Variants in GABRG3 observed in about 807,000 individuals in gnomAD.
GABRG3 encodes gamma-aminobutyric acid receptor subunit gamma-3.
A neutral mutation model predicts 48.8 loss-of-function variants in GABRG3; 25 were observed. The observed-to-expected ratio is 0.51, with a 90% CI of 0.37 to 0.72. The LOEUF (loss-of-function observed/expected upper bound fraction) is 0.72. Among genes scored for constraint, GABRG3 ranks in the 30% least tolerant of loss-of-function variants. GABRG3 has a pLI of 0.00. For missense variants in GABRG3, 394 were observed against 577.9 expected (o/e 0.68, Z 3.26); for synonymous variants, 227 against 217.6 (o/e 1.04, Z -0.38).
At chr15:27,246,367 A>G (rs952042237) in intron 3 of GABRG3, among the ~76,000 whole-genome samples, 2 of 152,200 alleles carry the variant, frequency 1.3e-5, no homozygotes, top group South Asian at 2.1e-4. Context: ...TTGCTGAATC[A>G]TGTGGTCTTT....
At chr15:27,453,179 C>T (rs1331587799) in intron 5 of GABRG3, among the ~76,000 whole-genome samples, 1 of 152,114 alleles carries the variant, frequency 6.6e-6, no homozygotes, top group African/African-American at 2.4e-5. Context: ...TACAAAACTT[C>T]AGTTATGCGG....
intron 6 of GABRG3, among the ~76,000 whole-genome samples, chr15:27,486,102 A>C (rs1890212794): frequency 6.6e-6 from 1 of 152,158 alleles, no homozygotes; most frequent in African/African-American, 2.4e-5. Flanking sequence ...GCTGCTTTGC[A>C]GTGGGCATAC....
At position 27,190,352 on chromosome 15, in the gene GABRG3, G is replaced by T. The variant is rs556056986; in HGVS notation, c.271-136457G>T. Among the ~76,000 whole-genome samples the T allele has an allele frequency of 3.0e-3, 455 of 152,244 alleles. 2 individuals carry two copies. The highest frequency in any genetic ancestry group is 0.01 in the African/African-American group (428 of 41,546). ...TAGAATTCGGCTGTGAATCCATCTG[G>T]TCCTGGACTCTTTTTGGTTGGTAAG... On this transcript the variant is annotated intron_variant, in intron 3 of 9. Coordinates refer to ENST00000615808, the MANE Select transcript of GABRG3 (RefSeq NM_033223.5).
intron 6 of GABRG3, among the ~76,000 whole-genome samples, chr15:27,495,579 T>C (rs1890466156): frequency 6.6e-6 from 1 of 152,232 alleles, no homozygotes; most frequent in African/African-American, 2.4e-5. Flanking sequence ...TGTATAATTC[T>C]TTCCACTGAT....
At chr15:27,197,706 T>G (rs1888540438) in intron 3 of GABRG3, among the ~76,000 whole-genome samples, 1 of 152,212 alleles carries the variant, frequency 6.6e-6, no homozygotes, top group African/African-American at 2.4e-5. Context: ...CTTGTACCTC[T>G]GGTAGAACTT....
intron 2 of GABRG3, among the ~76,000 whole-genome samples, chr15:26,989,252 T>G (rs1338552424): frequency 1.3e-5 from 2 of 152,226 alleles, no homozygotes; most frequent in Non-Finnish European, 2.9e-5. Flanking sequence ...ATCTTATTCT[T>G]AGTTGCCAAA....
At chr15:27,313,258 GTGTGTATATATATATATATATA>G (rs1226453108) in intron 3 of GABRG3, among the ~76,000 whole-genome samples, 17 of 53,038 alleles carry the variant, frequency 3.2e-4, no homozygotes, top group Admixed American at 2.1e-3. Context: ...GTGTGTGTGT[GTGTGTATATATATATATATATA>G]TATATATATA....
intron 3 of GABRG3, among the ~76,000 whole-genome samples, chr15:27,209,942 G>A (rs965036141): frequency 6.6e-5 from 10 of 152,080 alleles, no homozygotes; most frequent in African/African-American, 1.2e-4. Context: ...TGTGTGTCCC[G>A]ATCTCCTTCT....
intron 5 of GABRG3, among the ~76,000 whole-genome samples, chr15:27,424,784 C>T (rs1034918917): frequency 6.6e-6 from 1 of 152,128 alleles, no homozygotes; most frequent in African/African-American, 2.4e-5. Flanking sequence ...GAACTCCTGA[C>T]TTCAGGTAGT....
chr15:27,287,770 G>A (rs953563669), intron 3 of GABRG3, among the ~76,000 whole-genome samples: 47 of 133,658 alleles, frequency 3.5e-4, no homozygotes, highest in African/African-American at 1.3e-3. Flanking sequence ...ATGGAGTCTC[G>A]CTCTGTTGCC....
At chr15:27,111,072 A>G (rs568960840) in intron 3 of GABRG3, among the ~76,000 whole-genome samples, 11 of 152,112 alleles carry the variant, frequency 7.2e-5, no homozygotes, top group African/African-American at 2.7e-4. Context: ...TGGGTGTTCT[A>G]TTCCAGTTTA....
intron 5 of GABRG3, among the ~76,000 whole-genome samples, chr15:27,430,449 T>C (rs1303983059): frequency 6.6e-6 from 1 of 152,148 alleles, no homozygotes; most frequent in Non-Finnish European, 1.5e-5. Context: ...TTGCTTTTGG[T>C]GTATTATCTA....
intron 7 of GABRG3, 143 bp downstream of exon 7, chr15:27,520,267 T>C: frequency 1.1e-6 from 1 of 878,568 alleles, no homozygotes. Flanking sequence ...AATTTTCTCT[T>C]AAGAAGCCAA....
intron 3 of GABRG3, among the ~76,000 whole-genome samples, chr15:27,295,865 G>C (rs1315255278): frequency 1.3e-5 from 2 of 152,210 alleles, no homozygotes; most frequent in Non-Finnish European, 1.5e-5. Flanking sequence ...CTTCAAAGGA[G>C]CTGGGGTGGG....
At chr15:27,066,190 A>G (rs1026935052) in intron 3 of GABRG3, among the ~76,000 whole-genome samples, 1 of 152,244 alleles carries the variant, frequency 6.6e-6, no homozygotes, top group Non-Finnish European at 1.5e-5. Context: ...AAGCCCTGAT[A>G]GAGCTAATAG....
At chr15:27,502,881 C>T (rs1333865379) in intron 6 of GABRG3, among the ~76,000 whole-genome samples, 2 of 152,206 alleles carry the variant, frequency 1.3e-5, no homozygotes, top group African/African-American at 2.4e-5. Flanking sequence ...AGTTGGGGTG[C>T]GCCACCTGCA....
intron 5 of GABRG3, among the ~76,000 whole-genome samples, chr15:27,446,900 A>G (rs568781326): frequency 1.3e-5 from 2 of 152,228 alleles, no homozygotes; most frequent in East Asian, 3.9e-4. Context: ...CCCAACACAC[A>G]TTCACACACA....
chr15:27,308,134 A>T lies in GABRG3; in HGVS notation c.271-18675A>T, dbSNP rs555811054. 1.3e-4 allele frequency among the ~76,000 whole-genome samples: 11 copies of T among 86,672 alleles called. 2 individuals are homozygous for T. In the South Asian group the frequency reaches 1.4e-3, roughly 11 times the overall value. The allele number at this position is 86,672 out of a possible 152,430, so 56.9% of individuals were successfully genotyped here. ...TATACATCCAAACATATATAAACAT[A>T]TATGTTTATACATCCAAACATATAT... is the stretch of plus-strand genomic sequence containing the variant. On this transcript the variant is annotated intron_variant, in intron 3 of 9. Transcript: ENST00000615808.
At chr15:27,291,119 C>T (rs900024416) in intron 3 of GABRG3, among the ~76,000 whole-genome samples, 43 of 152,194 alleles carry the variant, frequency 2.8e-4, no homozygotes, top group South Asian at 2.3e-3. Context: ...ATTATAGAAA[C>T]GATCATATTC....
Sources: gnomAD v4.1 joint callset for allele counts (sites outside exome capture counted in the v4.1 genomes callset) on GRCh38, gnomAD v4.1.1 for gene constraint, MANE v1.5 for transcripts, NCBI Gene and HGNC (gene_info 2026-07-23, HGNC 2026-07-21) for gene names.